The following TMEM272 variants were observed in gnomAD, a reference collection of about 807,000 sequenced individuals.
The protein encoded by TMEM272 is long intergenic non-protein coding RNA 282.
In TMEM272, 8 loss-of-function variants were observed where a neutral mutation model predicts 3.7. That is an observed-to-expected ratio of 2.17 (90% CI 1.27 to 3.91). TMEM272 has a LOEUF of 3.91. TMEM272 is among the 30% of genes most tolerant of loss of function. The pLI is 0.00. For synonymous variants in TMEM272, 63 were observed against 39.8 expected, an observed-to-expected ratio of 1.58 and a Z score of -2.20; for missense variants, 166 against 91.5, an observed-to-expected ratio of 1.81 and a Z score of -3.32.
At chr13:51,858,499 C>G in the TMEM272 span, among the ~76,000 whole-genome samples, 2 of 152,038 alleles carry the variant, frequency 1.3e-5, no homozygotes, top group Non-Finnish European at 2.9e-5. Flanking sequence ...TTGTAAATAG[C>G]CAATAGATCC....
chr13:51,865,627 C>T, the TMEM272 span: 1 of 1,613,972 alleles, frequency 6.2e-7, no homozygotes, highest in African/African-American at 1.3e-5. Context: ...GGGGCCAGAT[C>T]CTGGGTTTTT....
At chr13:51,897,362 A>ATTTTTTTTTTT in the TMEM272 span, among the ~76,000 whole-genome samples, 128 of 82,440 alleles carry the variant, frequency 1.6e-3, 7 homozygotes, top group Non-Finnish European at 2.4e-3. Context: ...TGTCTGGCTA[A>ATTTTTTTTTTT]TTTTTTTTTT....
intron 2 of TMEM272, among the ~76,000 whole-genome samples, chr13:51,830,939 T>G (rs1956168302): frequency 6.6e-6 from 1 of 152,104 alleles, no homozygotes; most frequent in Non-Finnish European, 1.5e-5. Flanking sequence ...CTAATGAGGC[T>G]CACTCTTGCT....
At chr13:51,918,521 A>C in the TMEM272 span, among the ~76,000 whole-genome samples, 1 of 152,256 alleles carries the variant, frequency 6.6e-6, no homozygotes, top group African/African-American at 2.4e-5. Context: ...ACAATTATTT[A>C]ATTCAAGATG....
At chr13:51,855,792 T>C in the TMEM272 span, among the ~76,000 whole-genome samples, 1 of 151,996 alleles carries the variant, frequency 6.6e-6, no homozygotes, top group Non-Finnish European at 1.5e-5. Flanking sequence ...CCAGTGAAAA[T>C]GTTTAACATA....
the TMEM272 span, among the ~76,000 whole-genome samples, chr13:51,918,549 G>C: frequency 6.6e-6 from 1 of 152,116 alleles, no homozygotes; most frequent in Non-Finnish European, 1.5e-5. Flanking sequence ...TGGGTATATG[G>C]GGATTCACTC....
the TMEM272 span, among the ~76,000 whole-genome samples, chr13:51,859,505 A>AAC: frequency 0.27 from 34,548 of 129,662 alleles, 4,523 homozygotes; most frequent in East Asian, 0.4. Context: ...CTCCCAACCA[A>AAC]ACACACACAC....
chr13:51,859,217 C>T, the TMEM272 span, among the ~76,000 whole-genome samples: 15 of 151,824 alleles, frequency 9.9e-5, no homozygotes, highest in Non-Finnish European at 1.8e-4. Flanking sequence ...TCATAGCTGC[C>T]TGATTTGGCA....
chr13:51,911,523 C>T, the TMEM272 span, among the ~76,000 whole-genome samples: 8 of 152,352 alleles, frequency 5.3e-5, no homozygotes, highest in Non-Finnish European at 1.0e-4. Context: ...GCCATCACCT[C>T]CCGCGCATGC....
the TMEM272 span, among the ~76,000 whole-genome samples, chr13:51,927,832 G>A: frequency 6.6e-6 from 1 of 152,036 alleles, no homozygotes; most frequent in East Asian, 1.9e-4. Context: ...TGTCTGCTGT[G>A]TGCCATGCAC....
At chr13:51,907,141 C>G in the TMEM272 span, among the ~76,000 whole-genome samples, 1 of 152,202 alleles carries the variant, frequency 6.6e-6, no homozygotes, top group African/African-American at 2.4e-5. Context: ...AACTTCCAAG[C>G]TGAGGCTTTA....
chr13:51,906,326 T>C, the TMEM272 span, among the ~76,000 whole-genome samples: 1 of 152,114 alleles, frequency 6.6e-6, no homozygotes, highest in African/African-American at 2.4e-5. Flanking sequence ...AGGGCTCCCA[T>C]AGCTCCACCC....
chr13:51,827,544 C>T lies in TMEM272; in HGVS notation c.59-919G>A, dbSNP rs1443612611. The stretch of plus-strand genomic sequence containing the variant: ...TTTTTGAAAGTGTGAATTTGAATGC[C>T]TCTTGGGTAGGCCTGCCCCCCAGTT... On this transcript the variant is annotated intron_variant, in intron 2 of 4. Coordinates refer to ENST00000629372, the MANE Select transcript of TMEM272 (RefSeq NM_001351003.2). Among the ~76,000 whole-genome samples, 3 of 152,158 alleles carry T rather than the reference C, an allele frequency of 2.0e-5. 1 individual carries two copies. Among genetic ancestry groups the T allele is most frequent in the East Asian group, 1.9e-4 (1 of 5,178 alleles).
the TMEM272 span, among the ~76,000 whole-genome samples, chr13:51,925,320 G>A: frequency 6.6e-6 from 1 of 152,170 alleles, no homozygotes; most frequent in Non-Finnish European, 1.5e-5. Flanking sequence ...TCAGCTTTCT[G>A]ATAATTTCTC....
chr13:51,858,553 G>A, the TMEM272 span, among the ~76,000 whole-genome samples: 1 of 152,284 alleles, frequency 6.6e-6, no homozygotes, highest in Admixed American at 6.5e-5. Flanking sequence ...TTAACTGAAT[G>A]GTAATTAAAA....
chr13:51,854,094 T>C, the TMEM272 span, among the ~76,000 whole-genome samples: 8 of 152,210 alleles, frequency 5.3e-5, no homozygotes, highest in Admixed American at 1.3e-4. Flanking sequence ...ACAGAAAATA[T>C]TGATTTTGTA....
At chr13:51,909,004 C>T in the TMEM272 span, 1 of 1,456,704 alleles carries the variant, frequency 6.9e-7, no homozygotes, top group East Asian at 2.3e-5. Flanking sequence ...CTCAGTGGAC[C>T]CTCCAACAAA....
chr13:51,865,211 C>T, the TMEM272 span: 1 of 559,572 alleles, frequency 1.8e-6, no homozygotes, highest in Non-Finnish European at 3.0e-6. Flanking sequence ...TTGTCCCTCA[C>T]AAACACCACC....
chr13:51,923,122 C>T, the TMEM272 span, among the ~76,000 whole-genome samples: 14 of 152,186 alleles, frequency 9.2e-5, no homozygotes, highest in East Asian at 5.8e-4. Context: ...TGTAACCTCA[C>T]GTGGAGCTGG....
Sources: allele counts gnomAD v4.1 joint callset (sites outside exome capture counted in the v4.1 genomes callset), GRCh38; gene constraint gnomAD v4.1.1; transcripts MANE v1.5; gene names NCBI Gene and HGNC (gene_info 2026-07-23, HGNC 2026-07-21).